Variants in CRADD observed in about 807,000 individuals in gnomAD.
CRADD encodes death domain-containing protein CRADD.
A neutral mutation model predicts 15.5 loss-of-function variants in CRADD; 9 were observed. The observed-to-expected ratio is 0.58, with a 90% CI of 0.35 to 1.01. The LOEUF is 1.01. Among genes scored for constraint, CRADD ranks in the 50% least tolerant of loss-of-function variants. The pLI, the probability that CRADD is intolerant of heterozygous loss-of-function variation, is 0.02. For missense variants in CRADD, 227 were observed against 250.3 expected (o/e 0.91, Z 0.63); for synonymous variants, 118 against 107.6 (o/e 1.10, Z -0.60).
At chr12:93,858,319 CAA>C (rs779739902) in intron 2 of CRADD, among the ~76,000 whole-genome samples, 2 of 152,282 alleles carry the variant, frequency 1.3e-5, no homozygotes, top group East Asian at 1.9e-4. Context: ...TTTATGGAGA[CAA>C]AGAGAGTCTT....
At chr12:93,728,786 C>T (rs1956413151) in intron 2 of CRADD, among the ~76,000 whole-genome samples, 1 of 151,974 alleles carries the variant, frequency 6.6e-6, no homozygotes, top group Non-Finnish European at 1.5e-5. Flanking sequence ...TCCAGCAAAA[C>T]AGAAAAAGGA....
downstream of CRADD, among the ~76,000 whole-genome samples, chr12:93,855,705 A>G (rs1437947876): frequency 2.0e-5 from 3 of 152,240 alleles, no homozygotes; most frequent in Admixed American, 6.5e-5. Context: ...GTACCCACCT[A>G]TGGTCACAGT....
intron 2 of CRADD, among the ~76,000 whole-genome samples, chr12:93,754,617 G>C (rs1008236785): frequency 2.6e-5 from 4 of 152,166 alleles, no homozygotes; most frequent in African/African-American, 9.7e-5. Flanking sequence ...CTAAAGCATA[G>C]CAAGAGTCAC....
intron 2 of CRADD, among the ~76,000 whole-genome samples, chr12:93,728,073 A>G (rs1469800803): frequency 6.6e-6 from 1 of 151,900 alleles, no homozygotes; most frequent in East Asian, 1.9e-4. Context: ...TTGTCTTATC[A>G]CTCTTTGAAT....
intron 2 of CRADD, among the ~76,000 whole-genome samples, chr12:93,863,876 A>C (rs1452075860): frequency 6.6e-6 from 1 of 152,034 alleles, no homozygotes; most frequent in African/African-American, 2.4e-5. Flanking sequence ...AATTCACTTA[A>C]ATTTTTTTTA....
intron 2 of CRADD, among the ~76,000 whole-genome samples, chr12:93,754,053 A>G (rs897624139): frequency 6.6e-6 from 1 of 152,234 alleles, no homozygotes; most frequent in African/African-American, 2.4e-5. Context: ...ATTGCCATAC[A>G]TTCTCTGAAA....
At chr12:93,716,022 C>T (rs1956156169) in intron 2 of CRADD, among the ~76,000 whole-genome samples, 1 of 151,250 alleles carries the variant, frequency 6.6e-6, no homozygotes, top group Non-Finnish European at 1.5e-5. Context: ...ATCCAAGCTA[C>T]TCGGGAGGCT....
chr12:93,819,166 C>T (rs574837068), intron 2 of CRADD, among the ~76,000 whole-genome samples: 104 of 152,346 alleles, frequency 6.8e-4, no homozygotes, highest in Admixed American at 1.6e-3. Context: ...AGGGCTTGCT[C>T]TGTGTGCGTA....
chr12:93,800,005 A>G (rs1023731432), intron 2 of CRADD, among the ~76,000 whole-genome samples: 6 of 152,208 alleles, frequency 3.9e-5, no homozygotes, highest in Non-Finnish European at 8.8e-5. Flanking sequence ...AGGGTTCTCC[A>G]GAGGAACAGA....
intron 2 of CRADD, among the ~76,000 whole-genome samples, chr12:93,684,824 TACAC>T (rs148411912): frequency 1.8e-3 from 276 of 152,192 alleles, no homozygotes; most frequent in African/African-American, 5.8e-3. Context: ...GGACCACAAA[TACAC>T]AGGAAGTCAA....
intron 1 of CRADD, chr12:93,677,841 G>A (rs1955195093): frequency 6.6e-6 from 1 of 152,318 alleles, no homozygotes; most frequent in Non-Finnish European, 1.5e-5. Context: ...GAGGGGGAGT[G>A]TGGGATCGGG....
rs1466490289 is a variant in CRADD at position 93,711,844 on chromosome 12, C to T, written c.298+32772C>T. Among the ~76,000 whole-genome samples, 3 of 152,018 alleles carry T rather than the reference C, an allele frequency of 2.0e-5. No individual in the cohort carries two copies. In the South Asian group the frequency reaches 6.2e-4, roughly 32 times the overall value. ...AATCTCAGCTCACTGCAACCTCCACCTCCCCAGTTCAAGTGATTCTTGTGC... is the reference window on the plus strand; with the variant it reads ...AATCTCAGCTCACTGCAACCTCCACTTCCCCAGTTCAAGTGATTCTTGTGC... On this transcript the variant is annotated intron_variant, in intron 2 of 2. Coordinates refer to ENST00000332896, the MANE Select transcript of CRADD (RefSeq NM_003805.5).
chr12:93,712,540 A>G (rs878905487), intron 2 of CRADD, among the ~76,000 whole-genome samples: 33 of 152,218 alleles, frequency 2.2e-4, no homozygotes, highest in Admixed American at 2.2e-3. Flanking sequence ...CGAAAGTTGA[A>G]TGGATTGTAA....
chr12:93,710,788 G>A (rs371061451), intron 2 of CRADD, among the ~76,000 whole-genome samples: 8 of 152,118 alleles, frequency 5.3e-5, no homozygotes, highest in African/African-American at 1.4e-4. Flanking sequence ...GTTGGGATGC[G>A]CAGACAGGGA....
In CRADD at chr12:93,800,043, T is replaced by G. The variant is rs181929546; in HGVS notation, c.299-49927T>G. Reference sequence around the variant, plus strand: ...TGATAGTAGATAGATGATATGATATTAATAGATAGATTGACACAGAGAGAG... The same window carrying G: ...TGATAGTAGATAGATGATATGATATGAATAGATAGATTGACACAGAGAGAG... On this transcript the variant is annotated intron_variant, in intron 2 of 2. Coordinates refer to ENST00000332896, the MANE Select transcript of CRADD (RefSeq NM_003805.5). Among the ~76,000 whole-genome samples, 58 of 152,300 alleles carry G rather than the reference T, an allele frequency of 3.8e-4. 1 individual carries two copies. In the South Asian group the frequency reaches 5.0e-3, roughly 13 times the overall value.
chr12:93,852,304 A>C (rs1958231964), downstream of CRADD, among the ~76,000 whole-genome samples: 1 of 152,200 alleles, frequency 6.6e-6, no homozygotes, highest in Admixed American at 6.5e-5. Context: ...GGCATTTTAG[A>C]AGCAGGTCTG....
At chr12:93,744,295 A>G (rs1248095928) in intron 2 of CRADD, among the ~76,000 whole-genome samples, 2 of 152,218 alleles carry the variant, frequency 1.3e-5, no homozygotes, top group African/African-American at 2.4e-5. Context: ...CTGGGGGCCC[A>G]GTTGCCTTTC....
intron 2 of CRADD, among the ~76,000 whole-genome samples, chr12:93,800,640 C>G (rs1296276321): frequency 2.0e-5 from 3 of 152,092 alleles, no homozygotes; most frequent in Non-Finnish European, 2.9e-5. Flanking sequence ...TCCCCTTTGC[C>G]TTCTGCCATG....
At chr12:93,847,150 T>C (rs555374436) in intron 2 of CRADD, among the ~76,000 whole-genome samples, 1 of 152,090 alleles carries the variant, frequency 6.6e-6, no homozygotes, top group South Asian at 2.1e-4. Context: ...AGATGTAGAA[T>C]GGATAACATA....
Sources: allele counts gnomAD v4.1 joint callset (sites outside exome capture counted in the v4.1 genomes callset), GRCh38; gene constraint gnomAD v4.1.1; transcripts MANE v1.5; gene names NCBI Gene and HGNC (gene_info 2026-07-23, HGNC 2026-07-21).